The following KIRREL3 variants were observed in gnomAD, a reference collection of about 807,000 sequenced individuals.
The protein encoded by KIRREL3 is kirre like nephrin family adhesion molecule 3, also known as kin of IRRE-like protein 3.
A neutral mutation model predicts 89.7 loss-of-function variants in KIRREL3; 36 were observed. That is an observed-to-expected ratio of 0.40 (90% CI 0.31 to 0.53). The LOEUF is 0.53. Ranked by LOEUF, KIRREL3 falls within the 20% of genes least tolerant of loss-of-function variation. The pLI, the probability that KIRREL3 is intolerant of heterozygous loss-of-function variation, is 0.49. For missense variants in KIRREL3, 864 were observed against 1,056.6 expected (o/e 0.82, Z 2.53); for synonymous variants, 445 against 441.4 (o/e 1.01, Z -0.10).
chr11:126,616,180 G>A (rs1943338691), intron 1 of KIRREL3, among the ~76,000 whole-genome samples: 1 of 152,182 alleles, frequency 6.6e-6, no homozygotes, highest in South Asian at 2.1e-4. Context: ...ATGCATTACT[G>A]AGATGGCGTT....
rs747974223 is a variant in KIRREL3, at chr11:126,528,787, C to G, written c.134-2100G>C. On this transcript the variant is annotated intron_variant, in intron 2 of 16. Transcript: ENST00000525144. This position sits in a 1 kb window ranked among gnomAD's most constrained non-coding sequence, Gnocchi z 4.6. ...AGAGAGCAAAGGAGTGAAGTGAGGA[C>G]GTGGGAGAGAAGAGGAGAGGGAGAG... is the stretch of plus-strand genomic sequence containing the variant. Among the ~76,000 whole-genome samples, 1 of 124,688 alleles carries G rather than the reference C, an allele frequency of 8.0e-6. No individual in the cohort carries two copies. The highest frequency in any genetic ancestry group is 1.6e-5 in the Non-Finnish European group (1 of 62,638). The allele number at this position is 124,688 out of a possible 152,430, so 81.8% of individuals were successfully genotyped here.
intron 5 of KIRREL3, among the ~76,000 whole-genome samples, chr11:126,467,111 C>T (rs761575821): frequency 2.6e-5 from 4 of 152,234 alleles, no homozygotes; most frequent in African/African-American, 7.2e-5. Context: ...CATACACCCC[C>T]GTGGGTATGT....
In KIRREL3 at chr11:126,493,715, G is replaced by A. The variant is rs144497508; in HGVS notation, c.434-20249C>T. 4.5e-4 allele frequency among the ~76,000 whole-genome samples: 68 copies of A among 150,890 alleles called. No homozygotes were observed. The East Asian group carries it at 0.011, about 25-fold the overall frequency. ...TGAACCTGAACTTCAAGTCCAGAGA[G>A]GTTTCCCTACAGCCCCCCTCACCCA... On this transcript the variant is annotated intron_variant, in intron 4 of 16. Coordinates refer to ENST00000525144, the MANE Select transcript of KIRREL3 (RefSeq NM_032531.4).
rs1437342471 is a variant in KIRREL3, at chr11:126,668,019, T to C, written c.56-105107A>G. On this transcript the variant is annotated intron_variant, in intron 1 of 16. Transcript: ENST00000525144. This position sits in a 1 kb window ranked among gnomAD's most constrained non-coding sequence, Gnocchi z 4.4. ...TAGTGATTCACAGCTGGGAATCTTC[T>C]GTGTCTGAACAATTTCAGCCCCTCA... Among the ~76,000 whole-genome samples, 1 of 152,262 alleles carries C rather than the reference T, an allele frequency of 6.6e-6. No homozygotes were observed. Among genetic ancestry groups the C allele is most frequent in the African/African-American group, 2.4e-5 (1 of 41,472 alleles).
intron 1 of KIRREL3, among the ~76,000 whole-genome samples, chr11:126,851,074 C>A (rs1327183251): frequency 1.3e-5 from 2 of 152,332 alleles, no homozygotes; most frequent in Non-Finnish European, 2.9e-5. Flanking sequence ...GGGCCTTGAA[C>A]TGTCCCTGGT....
chr11:126,521,223 T>G lies in KIRREL3; in HGVS notation c.433+92A>C. 7.6e-7 allele frequency: 1 copy of G among 1,314,042 alleles called. No homozygotes were observed. 81.4% of individuals were successfully genotyped at this position (1,314,042 alleles called of 1,614,324 possible). On this transcript the variant is annotated intron_variant, in intron 4 of 16. Transcript: ENST00000525144. This position sits in a 1 kb window ranked among gnomAD's most constrained non-coding sequence, Gnocchi z 4.1. ...CTGTGGGATGATCCCCAGAGGGGAG[T>G]CTCCCCATGTCTGACCAAAAAAATA...
chr11:126,585,584 G>A (rs181323873), intron 1 of KIRREL3, among the ~76,000 whole-genome samples: 1 of 152,172 alleles, frequency 6.6e-6, no homozygotes, highest in Non-Finnish European at 1.5e-5. Context: ...AAGAGGCTTC[G>A]CTCCCATCTC....
Position 126,429,028 on chromosome 11 carries a change from A to T in KIRREL3, c.1806+151T>A, listed in dbSNP as rs1955036305. On this transcript the variant is annotated intron_variant, in intron 15 of 16. Transcript: ENST00000525144. This position sits in a 1 kb window ranked among gnomAD's most constrained non-coding sequence, Gnocchi z 5.2. The stretch of plus-strand genomic sequence containing the variant: ...CACACACTCACATTTGTTGGCTGAG[A>T]GTGTGTGCCTCACCTATTGTGGGGT... 1.6e-6 allele frequency: 1 copy of T among 606,164 alleles called. No homozygotes were observed. Among genetic ancestry groups the T allele is most frequent in the African/African-American group, 1.9e-5 (1 of 53,838 alleles). 37.5% of individuals were successfully genotyped at this position (606,164 alleles called of 1,614,324 possible).
At chr11:126,706,120 C>T (rs1474353073) in intron 1 of KIRREL3, among the ~76,000 whole-genome samples, 1 of 152,172 alleles carries the variant, frequency 6.6e-6, no homozygotes, top group African/African-American at 2.4e-5. Context: ...TGTCACTATA[C>T]GGAGCAGGTG....
At chr11:126,473,953 C>T (rs1338083545) in intron 4 of KIRREL3, among the ~76,000 whole-genome samples, 1 of 132,754 alleles carries the variant, frequency 7.5e-6, no homozygotes. Flanking sequence ...GGTACCATGC[C>T]CGGCTAATTT....
chr11:126,893,613 C>G (rs546883345), intron 1 of KIRREL3, among the ~76,000 whole-genome samples: 1 of 152,206 alleles, frequency 6.6e-6, no homozygotes, highest in South Asian at 2.1e-4. Flanking sequence ...CCCGGCTACC[C>G]GGGTTACCGT....
Position 126,863,273 on chromosome 11 carries a change from T to A in KIRREL3, c.55+137182A>T, listed in dbSNP as rs188724264. 1.1e-3 allele frequency among the ~76,000 whole-genome samples: 167 copies of A among 150,710 alleles called. No individual in the cohort carries two copies. In the Middle Eastern group the frequency reaches 0.031, roughly 28 times the overall value. On this transcript the variant is annotated intron_variant, in intron 1 of 16. Coordinates refer to ENST00000525144, the MANE Select transcript of KIRREL3 (RefSeq NM_032531.4). ...TGCTGGGATTCCAGCCTCCTCTTCC[T>A]GGCTGCTCAGGAAAAGACAGCACAG...
At chr11:126,810,918 C>G (rs558997507) in intron 1 of KIRREL3, among the ~76,000 whole-genome samples, 1 of 152,302 alleles carries the variant, frequency 6.6e-6, no homozygotes, top group African/African-American at 2.4e-5. Context: ...AGCCCGGGCT[C>G]TCTCCCTGAC....
intron 5 of KIRREL3, among the ~76,000 whole-genome samples, chr11:126,470,986 T>C (rs1209711745): frequency 6.6e-6 from 1 of 152,186 alleles, no homozygotes; most frequent in African/African-American, 2.4e-5. Flanking sequence ...TGGTGGGGGC[T>C]GTTTAAAAAT....
At chr11:126,878,415 T>A (rs1945371553) in intron 1 of KIRREL3, among the ~76,000 whole-genome samples, 1 of 152,150 alleles carries the variant, frequency 6.6e-6, no homozygotes, top group South Asian at 2.1e-4. Flanking sequence ...AGGGAGCAAT[T>A]GCTGACTACT....
chr11:126,889,356 G>A (rs1945818838), intron 1 of KIRREL3, among the ~76,000 whole-genome samples: 1 of 152,040 alleles, frequency 6.6e-6, no homozygotes, highest in African/African-American at 2.4e-5. Flanking sequence ...CTTTCACTTG[G>A]CATAATTACA....
In KIRREL3 at chr11:126,601,419, C is replaced by T. The variant is rs879388219; in HGVS notation, c.56-38507G>A. 6.6e-6 allele frequency among the ~76,000 whole-genome samples: 1 copy of T among 152,194 alleles called. No individual in the cohort carries two copies. The highest frequency in any genetic ancestry group is 2.1e-4 in the South Asian group (1 of 4,826). On this transcript the variant is annotated intron_variant, in intron 1 of 16. Coordinates refer to ENST00000525144, the MANE Select transcript of KIRREL3 (RefSeq NM_032531.4). The surrounding 1 kb of genome is among the most constrained non-coding windows in gnomAD (Gnocchi z 5.8). Reference sequence around the variant, plus strand: ...CAATCTCATCTTGTTTCTTTCCAAGCACCAGGGAAGAAAAGCAATTTGTTT... The same window carrying T: ...CAATCTCATCTTGTTTCTTTCCAAGTACCAGGGAAGAAAAGCAATTTGTTT...
At chr11:126,868,632 C>T (rs571910262) in intron 1 of KIRREL3, among the ~76,000 whole-genome samples, 17 of 152,096 alleles carry the variant, frequency 1.1e-4, no homozygotes, top group East Asian at 1.9e-4. Context: ...ACTATAAGCC[C>T]GGATTCTATC....
Position 126,551,084 on chromosome 11 carries a change from T to C in KIRREL3, c.133+11751A>G, listed in dbSNP as rs1393936777. Among the ~76,000 whole-genome samples, 1 of 152,192 alleles carries C rather than the reference T, an allele frequency of 6.6e-6. No individual in the cohort carries two copies. The highest frequency in any genetic ancestry group is 2.4e-5 in the African/African-American group (1 of 41,452). ...GGAAACACTTACCTATGTTTACAGT[T>C]TATTCTAAAGGATATTACAAAGAAT... On this transcript the variant is annotated intron_variant, in intron 2 of 16. Transcript: ENST00000525144. This position sits in a 1 kb window ranked among gnomAD's most constrained non-coding sequence, Gnocchi z 4.9.
Sources: allele counts gnomAD v4.1 joint callset (sites outside exome capture counted in the v4.1 genomes callset), GRCh38; gene constraint gnomAD v4.1.1; non-coding constraint Gnocchi (gnomAD v3.1); transcripts MANE v1.5; gene names NCBI Gene and HGNC (gene_info 2026-07-23, HGNC 2026-07-21).